The following RNF145 variants were observed in gnomAD, a reference collection of about 807,000 sequenced individuals.
RNF145 encodes ring finger protein 145.
RNF145 carries 12 observed loss-of-function variants against 57.3 expected under a neutral mutation model. That is an observed-to-expected ratio of 0.21 (90% confidence interval 0.13 to 0.34). The LOEUF is 0.34. RNF145 is among the 10% of genes least tolerant of loss of function. The pLI is 1.00. For missense variants in RNF145, 429 were observed against 799.0 expected (o/e 0.54, Z 5.58); for synonymous variants, 262 against 288.3 (o/e 0.91, Z 0.92).
Position 159,203,422 on chromosome 5 carries a change from G to T in RNF145, c.184+12C>A. On this transcript the variant is annotated intron_variant, in intron 2 of 10. Transcript: ENST00000424310. ...TCACTAGAAGATTAGAAAATGTGAT[G>T]TAGACACTCACCTACATAATGCATA... The T allele has an allele frequency of 2.6e-6, 4 of 1,540,326 alleles. No homozygotes were observed. The highest frequency in any genetic ancestry group is 3.6e-6 in the Non-Finnish European group (4 of 1,113,258).
intron 1 of RNF145, chr5:159,208,028 G>C: frequency 6.5e-7 from 1 of 1,530,376 alleles, no homozygotes; most frequent in Non-Finnish European, 8.7e-7. Flanking sequence ...TTCCCTTTCA[G>C]ACTAGTTTCC....
chr5:159,169,165 T>A (rs1784470994), intron 7 of RNF145, 110 bp from the exon 8 acceptor site: 2 of 891,010 alleles, frequency 2.2e-6, no homozygotes, highest in Non-Finnish European at 3.3e-6. Flanking sequence ...TTTAAATCTA[T>A]TCTGACTTAA....
chr5:159,191,560 A>G (rs540400540), intron 3 of RNF145, among the ~76,000 whole-genome samples: 2 of 152,284 alleles, frequency 1.3e-5, no homozygotes, highest in African/African-American at 4.8e-5. Flanking sequence ...TGGGAGGCCA[A>G]GGTGGGAAGA....
intron 3 of RNF145, among the ~76,000 whole-genome samples, chr5:159,187,081 G>T (rs1466678286): frequency 2.0e-5 from 3 of 151,700 alleles, no homozygotes; most frequent in Non-Finnish European, 4.4e-5. Context: ...AGGAGTTCAA[G>T]AACAGCCTGG....
chr5:159,178,491 G>A (rs973029656), intron 4 of RNF145, among the ~76,000 whole-genome samples: 3 of 151,828 alleles, frequency 2.0e-5, no homozygotes, highest in Non-Finnish European at 4.4e-5. Flanking sequence ...AGAATTTCTT[G>A]GAGATTACTG....
At chr5:159,191,909 G>A (rs1267881039) in intron 3 of RNF145, among the ~76,000 whole-genome samples, 3 of 152,020 alleles carry the variant, frequency 2.0e-5, no homozygotes, top group Non-Finnish European at 4.4e-5. Flanking sequence ...CTTTACCTCT[G>A]AAACTACTTA....
At chr5:159,209,798 C>T, upstream of RNF145, 1 of 1,487,698 alleles carries the variant, frequency 6.7e-7, no homozygotes, top group Non-Finnish European at 9.1e-7. Context: ...TTCTGACACA[C>T]GTGCTCTCTC....
intron 9 of RNF145, among the ~76,000 whole-genome samples, chr5:159,162,265 G>A (rs1784241602): frequency 6.6e-6 from 1 of 152,136 alleles, no homozygotes; most frequent in Middle Eastern, 3.4e-3. Flanking sequence ...CTCCAAATAA[G>A]CTCTAACACA....
intron 2 of RNF145, among the ~76,000 whole-genome samples, chr5:159,202,540 C>G (rs1017744911): frequency 6.6e-6 from 1 of 152,024 alleles, no homozygotes; most frequent in Non-Finnish European, 1.5e-5. Flanking sequence ...GTAAGGGGAA[C>G]GTTCTCAGGG....
rs184396970 is a variant in RNF145, at chr5:159,208,366, A to C, written c.-40+865T>G. Among the ~76,000 whole-genome samples the C allele has an allele frequency of 7.2e-5, 11 of 152,212 alleles. No homozygotes were observed. In the East Asian group the frequency reaches 2.1e-3, roughly 29 times the overall value. Reference sequence around the variant, plus strand: ...CGTACCAAAAGGCTCGCGAAGAAAAACGCGGGCGAAGTTCAGCATCCCCGA... The same window carrying C: ...CGTACCAAAAGGCTCGCGAAGAAAACCGCGGGCGAAGTTCAGCATCCCCGA... On this transcript the variant is annotated intron_variant, in intron 1 of 10. Transcript: ENST00000424310.
chr5:159,174,292 A>C (rs1039125279), intron 5 of RNF145, 134 bp from the exon 6 acceptor site: 38 of 640,660 alleles, frequency 5.9e-5, no homozygotes, highest in Non-Finnish European at 8.3e-5. Context: ...AAATTCCTTT[A>C]AAGTTAGCCT....
intron 8 of RNF145, among the ~76,000 whole-genome samples, chr5:159,167,824 T>C (rs898881067): frequency 6.6e-6 from 1 of 152,204 alleles, no homozygotes; most frequent in East Asian, 1.9e-4. Context: ...GAAAATTATA[T>C]AGAATGTTTG....
rs1345061694 is a variant in RNF145 at position 159,182,844 on chromosome 5, T to A, written c.294-793A>T. On this transcript the variant is annotated intron_variant, in intron 3 of 10. Coordinates refer to ENST00000424310, the MANE Select transcript of RNF145 (RefSeq NM_001199383.2). ...TATTTTTGGCATCAAAGAAGGGAAG[T>A]TTGTGTAAAAAAATTCTTCCCTTTT... Among the ~76,000 whole-genome samples, 4 of 152,238 alleles carry A rather than the reference T, an allele frequency of 2.6e-5. No homozygotes were observed. In the East Asian group the frequency reaches 5.8e-4, roughly 22 times the overall value.
chr5:159,174,032 G>T lies in RNF145; in HGVS notation c.748C>A (p.Arg250=). ...ALQIYSYFST[R]DQPASRERLL... ...CTCTCACGTGATGCAGGCTGATCTC[G>T]AGTACTGAAATAGGAGTAAATCTGA... The change falls in exon 6 of 11, where the codon CGA becomes AGA. Residue 250 remains arginine (R), a synonymous_variant. Coordinates refer to ENST00000424310, the MANE Select transcript of RNF145 (RefSeq NM_001199383.2). The T allele has an allele frequency of 6.2e-7, 1 of 1,613,460 alleles. No individual in the cohort carries two copies. Among genetic ancestry groups the T allele is most frequent in the Non-Finnish European group, 8.5e-7 (1 of 1,179,628 alleles).
In RNF145 at chr5:159,192,190, T is replaced by C. The variant is rs562882533; in HGVS notation, c.293+2526A>G. Among the ~76,000 whole-genome samples, 3 of 152,264 alleles carry C rather than the reference T, an allele frequency of 2.0e-5. No individual in the cohort carries two copies. In the South Asian group the frequency reaches 6.2e-4, roughly 32 times the overall value. On this transcript the variant is annotated intron_variant, in intron 3 of 10. Transcript: ENST00000424310. The stretch of plus-strand genomic sequence containing the variant: ...ATAATAATCCAGAGATGAATTAAAG[T>C]ACATGGAAGGGAGTGTGCAAAAGTT...
At chr5:159,181,883 A>AT (rs1784906897) in intron 4 of RNF145, 77 bp downstream of exon 4, 6 of 802,780 alleles carry the variant, frequency 7.5e-6, no homozygotes, top group Non-Finnish European at 1.3e-5. Context: ...TTAAAAAAAA[A>AT]TGAGTATGCA....
intron 1 of RNF145, among the ~76,000 whole-genome samples, chr5:159,205,874 A>C (rs369621432): frequency 1.3e-3 from 194 of 152,228 alleles, no homozygotes; most frequent in African/African-American, 4.4e-3. Flanking sequence ...AAATGTGCCC[A>C]TTTTCACCAT....
intron 4 of RNF145, among the ~76,000 whole-genome samples, chr5:159,177,506 G>T (rs924373517): frequency 2.6e-5 from 4 of 152,030 alleles, no homozygotes; most frequent in African/African-American, 9.7e-5. Flanking sequence ...CCCAAAGGTA[G>T]TCCTAAGAAC....
chr5:159,194,316 C>T (rs565761889), intron 3 of RNF145, among the ~76,000 whole-genome samples: 3 of 152,238 alleles, frequency 2.0e-5, no homozygotes, highest in South Asian at 2.1e-4. Flanking sequence ...GGATTACAGG[C>T]GCCCGCCACC....
Sources: gnomAD v4.1 joint callset for allele counts (sites outside exome capture counted in the v4.1 genomes callset) on GRCh38, gnomAD v4.1.1 for gene constraint, MANE v1.5 for transcripts, NCBI Gene and HGNC (gene_info 2026-07-23, HGNC 2026-07-21) for gene names.